The following PDK2 variants were observed in gnomAD, a reference collection of about 807,000 sequenced individuals.
PDK2 encodes the protein pyruvate dehydrogenase kinase, isozyme 2.
In PDK2, 34 loss-of-function variants were observed where a neutral mutation model predicts 50.4. That is an observed-to-expected ratio of 0.68 (90% CI 0.51 to 0.90). The LOEUF is 0.90. Among genes scored for constraint, PDK2 ranks in the 40% least tolerant of loss-of-function variants. The pLI, the probability that PDK2 is intolerant of heterozygous loss-of-function variation, is 0.00. For synonymous variants in PDK2, 232 were observed against 216.0 expected, an observed-to-expected ratio of 1.07 and a Z score of -0.65; for missense variants, 377 against 544.5, an observed-to-expected ratio of 0.69 and a Z score of 3.06.
chr17:50,103,245 A>G (rs1462612843), intron 2 of PDK2, among the ~76,000 whole-genome samples: 4 of 152,090 alleles, frequency 2.6e-5, no homozygotes, highest in African/African-American at 7.2e-5. Context: ...AGCTCCTCCT[A>G]TCGGGCTCTG....
chr17:50,099,293 C>T (rs898670859), intron 2 of PDK2, among the ~76,000 whole-genome samples: 1 of 152,134 alleles, frequency 6.6e-6, no homozygotes, highest in African/African-American at 2.4e-5. Context: ...CACCGTGTTC[C>T]TGGGAGAGCT....
upstream of PDK2, chr17:50,095,349 G>C: frequency 1.1e-6 from 1 of 912,294 alleles, no homozygotes. Flanking sequence ...GGGTAGGGAG[G>C]AGGCGGCCGA....
Position 50,108,173 on chromosome 17 carries a change from C to T in PDK2, c.703C>T (p.Pro235Ser). 6.3e-7 allele frequency: 1 copy of T among 1,595,398 alleles called. No homozygotes were observed. The highest frequency in any genetic ancestry group is 8.6e-7 in the Non-Finnish European group (1 of 1,169,486). ...CCCTGTAGCAGCCAACTCCAAACAG[C>T]CGATTCACATGGTCTACGTCCCCTC... ...QEINAANSKQPIHMVYVPSHL... is the reference protein window; with the variant it reads ...QEINAANSKQSIHMVYVPSHL... The change falls in exon 7 of 11, where the codon CCG becomes TCG. Residue 235 changes from proline (P) to serine (S), a missense_variant. Coordinates refer to ENST00000503176, the MANE Select transcript of PDK2 (RefSeq NM_002611.5).
Position 50,109,694 on chromosome 17 carries a change from G to A in PDK2, c.1084-263G>A, listed in dbSNP as rs1037941021. On this transcript the variant is annotated intron_variant, in intron 10 of 10. Coordinates refer to ENST00000503176, the MANE Select transcript of PDK2 (RefSeq NM_002611.5). The surrounding 1 kb of genome is among the most constrained non-coding windows in gnomAD (Gnocchi z 5.0). Reference sequence around the variant, plus strand: ...GGGACACCCTAGGTCTTGCCATTCAGTTCAGAGGAGAAGACTGAGGCCCGG... The same window carrying A: ...GGGACACCCTAGGTCTTGCCATTCAATTCAGAGGAGAAGACTGAGGCCCGG... 2.0e-5 allele frequency among the ~76,000 whole-genome samples: 3 copies of A among 152,198 alleles called. No homozygotes were observed. The highest frequency in any genetic ancestry group is 2.9e-5 in the Non-Finnish European group (2 of 68,022).
chr17:50,097,127 T>G (rs1909992167), intron 1 of PDK2, among the ~76,000 whole-genome samples: 1 of 151,992 alleles, frequency 6.6e-6, no homozygotes, highest in African/African-American at 2.4e-5. Flanking sequence ...GAAAGAGAAG[T>G]GAGGTGACTG....
At chr17:50,107,796 A>G (rs1910594746) in intron 6 of PDK2, among the ~76,000 whole-genome samples, 1 of 152,196 alleles carries the variant, frequency 6.6e-6, no homozygotes, top group Admixed American at 6.5e-5. Context: ...GAGGAGGGGC[A>G]TGTTAGATGG....
At chr17:50,099,901 T>C (rs1254539237) in intron 2 of PDK2, among the ~76,000 whole-genome samples, 3 of 152,204 alleles carry the variant, frequency 2.0e-5, no homozygotes, top group African/African-American at 7.2e-5. Context: ...CCAGAGAGAA[T>C]GAGCATTGGC....
chr17:50,107,854 T>G (rs1360357282), intron 6 of PDK2: 6 of 425,202 alleles, frequency 1.4e-5, no homozygotes, highest in Non-Finnish European at 2.6e-5. Context: ...AGTGGCTTAC[T>G]TAAGAGGGAG....
chr17:50,108,558 C>A, intron 8 of PDK2, 54 bp from the exon 9 acceptor site: 1 of 1,067,890 alleles, frequency 9.4e-7, no homozygotes, highest in Non-Finnish European at 1.3e-6. Flanking sequence ...GGGTATTGGG[C>A]GGGGTGGGGA....
chr17:50,095,185 G>A (rs1414699653), upstream of PDK2: 2 of 437,596 alleles, frequency 4.6e-6, no homozygotes, highest in South Asian at 3.6e-5. Flanking sequence ...GGCCGCCCCG[G>A]CAAAGCGTGG....
chr17:50,110,114 G>A lies in PDK2; in HGVS notation c.*17G>A. 6.3e-7 allele frequency: 1 copy of A among 1,579,190 alleles called. No individual in the cohort carries two copies. Among genetic ancestry groups the A allele is most frequent in the Non-Finnish European group, 8.6e-7 (1 of 1,158,034 alleles). ...GTCAGCTAAGGGCCGCCGTGCATCT[G>A]CACCTGAGAGGACGGACTGCCGCCT... is the stretch of plus-strand genomic sequence containing the variant. On this transcript the variant is annotated 3_prime_UTR_variant, in exon 11 of 11. Transcript: ENST00000503176.
chr17:50,109,230 G>C lies in PDK2; in HGVS notation c.970-57G>C, dbSNP rs1487198630. ...TTCCCTCCCTGCATCAGTCCCTGCAGCTCCAGGAGGCCCCTGCCAGCCTCC... is the reference window on the plus strand; with the variant it reads ...TTCCCTCCCTGCATCAGTCCCTGCACCTCCAGGAGGCCCCTGCCAGCCTCC... On this transcript the variant is annotated intron_variant, in intron 9 of 10. Transcript: ENST00000503176. The surrounding 1 kb of genome is among the most constrained non-coding windows in gnomAD (Gnocchi z 5.0). 4.5e-6 allele frequency: 5 copies of C among 1,102,232 alleles called. No individual in the cohort carries two copies. In the Admixed American group the frequency reaches 9.0e-5, roughly 20 times the overall value. 68.3% of individuals were successfully genotyped at this position (1,102,232 alleles called of 1,614,324 possible).
rs1567710197 is a variant in PDK2 at position 50,095,474 on chromosome 17, G to A, written c.39G>A (p.Leu13=). The A allele has an allele frequency of 6.2e-7, 1 of 1,605,534 alleles. No homozygotes were observed. Among genetic ancestry groups the A allele is most frequent in the Non-Finnish European group, 8.5e-7 (1 of 1,176,502 alleles). The stretch of plus-strand genomic sequence containing the variant: ...GGGCGCTGCTGAAGAATGCGTCCCT[G>A]GCAGGGGCGCCCAAGTACATAGAGC... ...WVWALLKNAS[L]AGAPKYIEHF... is the part of the protein sequence containing the mutation. The change falls in exon 1 of 11, where the codon CTG becomes CTA. Residue 13 remains leucine, a synonymous_variant. Transcript: ENST00000503176.
At chr17:50,107,248 A>T (rs1312267850) in intron 6 of PDK2, 95 bp downstream of exon 6, 6 of 892,066 alleles carry the variant, frequency 6.7e-6, no homozygotes, top group Non-Finnish European at 1.1e-5. Flanking sequence ...TGTTTTCTAG[A>T]CAGGGGAGAA....
rs776713025 is a variant in PDK2, at chr17:50,108,394, G to A, written c.838G>A (p.Gly280Ser). Residue 280 changes from glycine (G) to serine (S), a missense_variant, in exon 8 of 11, where the codon GGT becomes AGT. Around this residue, in one of 3 missense-constraint regions of PDK2, gnomAD observed 214 missense variants for 294.0 expected, o/e 0.73. Transcript: ENST00000503176. Reference sequence around the variant, plus strand: ...ACCCATCAAGGTCATGGTGGCCTTGGGTGAGGAAGATCTGTCCATCAAGGT... The same window carrying A: ...ACCCATCAAGGTCATGGTGGCCTTGAGTGAGGAAGATCTGTCCATCAAGGT... ...LPPIKVMVAL[G>S]EEDLSIKMSD... is the part of the protein sequence containing the mutation. The A allele has an allele frequency of 1.2e-6, 2 of 1,613,398 alleles. No homozygotes were observed. The highest frequency in any genetic ancestry group is 1.3e-5 in the African/African-American group (1 of 74,906).
Position 50,108,150 on chromosome 17 carries a change from C to A in PDK2, c.686-6C>A. 6.3e-7 allele frequency: 1 copy of A among 1,586,608 alleles called. No homozygotes were observed. Among genetic ancestry groups the A allele is most frequent in the East Asian group, 2.3e-5 (1 of 44,288 alleles). On this transcript the variant is annotated splice_polypyrimidine_tract_variant and splice_region_variant and intron_variant, in intron 6 of 10. Coordinates refer to ENST00000503176, the MANE Select transcript of PDK2 (RefSeq NM_002611.5). ...TCCTGACCCTTGGTCTTGACTTGCC[C>A]TGTAGCAGCCAACTCCAAACAGCCG... is the stretch of plus-strand genomic sequence containing the variant.
At position 50,110,151 on chromosome 17, in the gene PDK2, C is replaced by G. The variant is rs1377412191; in HGVS notation, c.*54C>G. On this transcript the variant is annotated 3_prime_UTR_variant, in exon 11 of 11. Transcript: ENST00000503176. Reference sequence around the variant, plus strand: ...ACGGACTGCCGCCTCTGGGTCCCCCCACCGTGGTGCCCCTCACCATCCTCC... The same window carrying G: ...ACGGACTGCCGCCTCTGGGTCCCCCGACCGTGGTGCCCCTCACCATCCTCC... 1.4e-5 allele frequency: 21 copies of G among 1,511,526 alleles called. No individual in the cohort carries two copies. The East Asian group carries it at 3.8e-4, about 28-fold the overall frequency. The allele number at this position is 1,511,526 out of a possible 1,614,324, so 93.6% of individuals were successfully genotyped here.
chr17:50,103,655 T>A (rs1910348037), intron 2 of PDK2, among the ~76,000 whole-genome samples: 2 of 152,096 alleles, frequency 1.3e-5, no homozygotes, highest in South Asian at 4.2e-4. Flanking sequence ...CAGGTCTGGG[T>A]CCAGAGCTGG....
In PDK2 at chr17:50,108,163, C is replaced by T. The variant is rs1388687034; in HGVS notation, c.693C>T (p.Asn231=). The part of the protein sequence containing the change: ...DLEIQEINAA[N]SKQPIHMVYV... ...TCTTGACTTGCCCTGTAGCAGCCAA[C>T]TCCAAACAGCCGATTCACATGGTCT... Residue 231 remains asparagine, a synonymous_variant, in exon 7 of 11, where the codon AAC becomes AAT. Transcript: ENST00000503176. 6.9e-6 allele frequency: 11 copies of T among 1,592,068 alleles called. No homozygotes were observed. The South Asian group carries it at 1.3e-4, about 18-fold the overall frequency.
Sources: allele counts gnomAD v4.1 joint callset (sites outside exome capture counted in the v4.1 genomes callset), GRCh38; gene constraint gnomAD v4.1.1; regional missense constraint gnomAD v4.1.1; non-coding constraint Gnocchi (gnomAD v3.1); transcripts MANE v1.5; gene names NCBI Gene and HGNC (gene_info 2026-07-23, HGNC 2026-07-21).